Variants in ZNF638 observed in about 807,000 individuals in gnomAD.
ZNF638 encodes the protein CTCL tumor antigen se33-1.
A neutral mutation model predicts 195.6 loss-of-function variants in ZNF638; 46 were observed. The ratio of observed to expected loss-of-function variants is 0.24; its 90% CI spans 0.19 to 0.30. ZNF638 has a LOEUF of 0.30. Among genes scored for constraint, ZNF638 ranks in the 10% least tolerant of loss-of-function variants. The probability of loss-of-function intolerance (pLI) is 1.00; values close to 1 mark genes in which losing one functional copy is unlikely to be tolerated. For missense variants in ZNF638, 2,440 were observed against 2,325.3 expected (o/e 1.05, Z -1.01); for synonymous variants, 845 against 772.0 (o/e 1.09, Z -1.57).
intron 10 of ZNF638, chr2:71,393,295 C>T (rs1483779439): frequency 8.0e-6 from 5 of 626,820 alleles, no homozygotes; most frequent in East Asian, 2.8e-5. Context: ...ACATAAAACC[C>T]GCAGTTTTAT....
At chr2:71,331,997 C>T in intron 1 of ZNF638, 122 bp downstream of exon 1, 3 of 686,474 alleles carry the variant, frequency 4.4e-6, no homozygotes, top group Non-Finnish European at 5.4e-6. Context: ...CGGCTCCGCA[C>T]AAAATGGCGG....
At chr2:71,389,376 C>T (rs375493791) in intron 10 of ZNF638, among the ~76,000 whole-genome samples, 6 of 152,298 alleles carry the variant, frequency 3.9e-5, no homozygotes, top group East Asian at 3.9e-4. Flanking sequence ...TCAGAGCAAA[C>T]GGAGCTGCTA....
chr2:71,373,437 ATTT>A (rs754117239), intron 8 of ZNF638, among the ~76,000 whole-genome samples: 334 of 71,014 alleles, frequency 4.7e-3, no homozygotes, highest in African/African-American at 0.018. Context: ...TCAAGTTTGA[ATTT>A]TTTTTTTTTT....
Position 71,422,822 on chromosome 2 carries a change from T to G in ZNF638, c.3308T>G (p.Leu1103Trp), listed in dbSNP as rs1180383165. ...TTTTTAAATACTTTTAGCCCTGGCT[T>G]GAAAAACAGTCCAATTGATGAAAGT... is the stretch of plus-strand genomic sequence containing the variant. ...DPELEKESPGLKNSPIDESEV... is the reference protein window; with the variant it reads ...DPELEKESPGWKNSPIDESEV... The change falls in exon 22 of 28, where the codon TTG becomes TGG. Residue 1103 changes from leucine (L) to tryptophan (W), a missense_variant. Leu to Trp is a moderately conservative substitution (Grantham distance 61). This residue lies in a region of ZNF638 where 1,883 missense variants were observed against 1,739.1 expected (regional missense o/e 1.08). Transcript: ENST00000264447. 6.2e-7 allele frequency: 1 copy of G among 1,608,242 alleles called. No homozygotes were observed. The highest frequency in any genetic ancestry group is 1.7e-5 in the Admixed American group (1 of 58,976).
Position 71,348,989 on chromosome 2 carries a change from T to C in ZNF638, c.35T>C (p.Phe12Ser). Reference protein sequence around the residue: ...SRPRFNPRGDFPLQRPRAPNP... With the variant: ...SRPRFNPRGDSPLQRPRAPNP... ...CCCAGGTTTAATCCTCGAGGAGACT[T>C]TCCACTTCAAAGGCCACGAGCACCT... The change falls in exon 2 of 28, where the codon TTT becomes TCT. Residue 12 changes from phenylalanine to serine, a missense_variant. Physicochemically the swap from Phe to Ser is radical, Grantham distance 155. Around this residue, in one of 5 missense-constraint regions of ZNF638, gnomAD observed 191 missense variants for 173.8 expected, o/e 1.10. Transcript: ENST00000264447. The C allele has an allele frequency of 6.2e-7, 1 of 1,614,120 alleles. No homozygotes were observed. The highest frequency in any genetic ancestry group is 8.5e-7 in the Non-Finnish European group (1 of 1,180,016).
Position 71,389,309 on chromosome 2 carries a change from A to G in ZNF638, c.2378-6832A>G, listed in dbSNP as rs553627775. Among the ~76,000 whole-genome samples the G allele has an allele frequency of 7.9e-5, 12 of 152,356 alleles. No homozygotes were observed. In the East Asian group the frequency reaches 1.2e-3, roughly 15 times the overall value. Reference sequence around the variant, plus strand: ...CCTGCCCGGTAATGCAAGATCAGCAAGGTACTCAGGTATATGAACCCATTT... The same window carrying G: ...CCTGCCCGGTAATGCAAGATCAGCAGGGTACTCAGGTATATGAACCCATTT... On this transcript the variant is annotated intron_variant, in intron 10 of 27. Coordinates refer to ENST00000264447, the MANE Select transcript of ZNF638 (RefSeq NM_014497.5).
chr2:71,399,430 A>T, intron 12 of ZNF638, 129 bp from the exon 13 acceptor site: 1 of 650,446 alleles, frequency 1.5e-6, no homozygotes, highest in East Asian at 2.9e-5. Context: ...AAATAAATAG[A>T]AATAATGACT....
chr2:71,423,201 G>A lies in ZNF638; in HGVS notation c.3687G>A (p.Val1229=). 1 of 1,614,122 alleles carries A rather than the reference G, an allele frequency of 6.2e-7. No individual in the cohort carries two copies. The highest frequency in any genetic ancestry group is 8.5e-7 in the Non-Finnish European group (1 of 1,179,988). ...CAGCATTGTTACCATCTGACAGTGT[G>A]TTTGCAGAAGAAAGGAACCTCAAAG... ...PKTALLPSDS[V]FAEERNLKGI... Residue 1229 remains valine, a synonymous_variant, in exon 22 of 28, where the codon GTG becomes GTA. Transcript: ENST00000264447.
rs376239342 is a variant in ZNF638, at chr2:71,339,263, C to T, written c.-203+7388C>T. Among the ~76,000 whole-genome samples, 34 of 151,934 alleles carry T rather than the reference C, an allele frequency of 2.2e-4. No homozygotes were observed. The East Asian group carries it at 3.1e-3, about 14-fold the overall frequency. ...ACCTCCCAGGTGCAAGTAGATTCTC[C>T]TGCCTCAGCCTCCTGAGTGGCTGGG... On this transcript the variant is annotated intron_variant, in intron 1 of 27. Transcript: ENST00000264447.
chr2:71,424,811 A>G (rs780083041), intron 23 of ZNF638, 96 bp downstream of exon 23: 18 of 923,772 alleles, frequency 1.9e-5, no homozygotes, highest in Non-Finnish European at 2.8e-5. Flanking sequence ...AATGTTAGTG[A>G]CTAAGAGTTT....
intron 2 of ZNF638, among the ~76,000 whole-genome samples, chr2:71,352,307 G>C (rs1200885422): frequency 6.6e-6 from 1 of 151,888 alleles, no homozygotes; most frequent in Non-Finnish European, 1.5e-5. Flanking sequence ...GTGAAATCCT[G>C]TCTCTACTAA....
At chr2:71,367,669 G>A (rs1458505781) in intron 6 of ZNF638, among the ~76,000 whole-genome samples, 1 of 151,258 alleles carries the variant, frequency 6.6e-6, no homozygotes, top group African/African-American at 2.4e-5. Flanking sequence ...TCGAACACCT[G>A]ACCTTGTGAT....
intron 8 of ZNF638, chr2:71,374,997 A>G (rs2079394901): frequency 6.6e-6 from 1 of 152,044 alleles, no homozygotes; most frequent in Non-Finnish European, 1.5e-5. Context: ...TTTTTTTTCC[A>G]TAAAGTTCTT....
intron 10 of ZNF638, chr2:71,395,933 C>G (rs949899317): frequency 3.3e-6 from 2 of 597,824 alleles, no homozygotes; most frequent in Non-Finnish European, 5.9e-6. Flanking sequence ...TCTAATGTTA[C>G]TTGTTAAAAT....
intron 3 of ZNF638, among the ~76,000 whole-genome samples, chr2:71,359,378 AAGG>A (rs1056917867): frequency 9.9e-5 from 15 of 152,144 alleles, no homozygotes; most frequent in Admixed American, 8.5e-4. Flanking sequence ...GTCCAAGAAC[AAGG>A]AGGAGAAGGG....
chr2:71,374,203 G>A (rs1425308728), intron 8 of ZNF638: 3 of 152,100 alleles, frequency 2.0e-5, no homozygotes, highest in African/African-American at 7.2e-5. Flanking sequence ...TCTATTATTT[G>A]CAGCATAATA....
intron 10 of ZNF638, among the ~76,000 whole-genome samples, chr2:71,382,127 G>T (rs545145757): frequency 1.3e-5 from 2 of 152,124 alleles, no homozygotes; most frequent in Admixed American, 6.6e-5. Context: ...GTCCTGATAG[G>T]TTTTACTAAG....
chr2:71,426,838 C>G lies in ZNF638; in HGVS notation c.4969C>G (p.His1657Asp), dbSNP rs201296102. The G allele has an allele frequency of 1.2e-6, 2 of 1,613,548 alleles. No individual in the cohort carries two copies. Among genetic ancestry groups the G allele is most frequent in the Admixed American group, 3.3e-5 (2 of 59,936 alleles). Residue 1657 changes from histidine (H) to aspartate (D), a missense_variant, in exon 24 of 28, where the codon CAC (histidine) becomes GAC (aspartate). Around this residue, in one of 5 missense-constraint regions of ZNF638, gnomAD observed 1,883 missense variants for 1,739.1 expected, o/e 1.08. Coordinates refer to ENST00000264447, the MANE Select transcript of ZNF638 (RefSeq NM_014497.5). ...AATTGACCAAGATGATTGCATTTCC[C>G]ACAGTGAACCTAAAGATGTTACTGT... is the stretch of plus-strand genomic sequence containing the variant. ...ELIDQDDCISHSEPKDVTVLS... is the reference protein window; with the variant it reads ...ELIDQDDCISDSEPKDVTVLS...
chr2:71,352,183 AGAG>A (rs948322792), intron 2 of ZNF638, among the ~76,000 whole-genome samples: 1 of 152,040 alleles, frequency 6.6e-6, no homozygotes, highest in African/African-American at 2.4e-5. Context: ...GCCTGTATAA[AGAG>A]GAGGAGGGGG....
Sources: allele counts gnomAD v4.1 joint callset (sites outside exome capture counted in the v4.1 genomes callset), GRCh38; gene constraint gnomAD v4.1.1; regional missense constraint gnomAD v4.1.1; transcripts MANE v1.5; gene names NCBI Gene and HGNC (gene_info 2026-07-23, HGNC 2026-07-21).